Variants in PDE6A observed in about 807,000 individuals in gnomAD.
PDE6A encodes the protein rod cGMP-specific 3',5'-cyclic phosphodiesterase subunit alpha.
A neutral mutation model predicts 106.3 loss-of-function variants in PDE6A; 84 were observed. That is an observed-to-expected ratio of 0.79 (90% confidence interval 0.66 to 0.95). The LOEUF (loss-of-function observed/expected upper bound fraction) is 0.95. PDE6A is among the 40% of genes least tolerant of loss of function. The probability of loss-of-function intolerance (pLI) is 0.00; values close to 1 mark genes in which losing one functional copy is unlikely to be tolerated. For synonymous variants in PDE6A, 394 were observed against 386.6 expected (o/e 1.02, Z -0.23); for missense variants, 1,052 against 1,084.9 (o/e 0.97, Z 0.43).
At chr5:149,938,480 T>G (rs552300054) in intron 1 of PDE6A, among the ~76,000 whole-genome samples, 1 of 152,228 alleles carries the variant, frequency 6.6e-6, no homozygotes, top group African/African-American at 2.4e-5. Context: ...TAAACTATGG[T>G]AAGTATGCAC....
At chr5:149,898,663 A>G (rs938140994) in intron 9 of PDE6A, among the ~76,000 whole-genome samples, 157 bp from the exon 10 acceptor site, 5 of 152,200 alleles carry the variant, frequency 3.3e-5, no homozygotes, top group African/African-American at 1.2e-4. Flanking sequence ...TTATAAGGCT[A>G]AGATAAAGGA....
chr5:149,909,759 T>G (rs1457414919), intron 6 of PDE6A, among the ~76,000 whole-genome samples: 2 of 152,220 alleles, frequency 1.3e-5, no homozygotes, highest in African/African-American at 2.4e-5. Context: ...TACAGAGGCT[T>G]TAATATGTAA....
At chr5:149,860,992 G>T (rs746147499) in intron 21 of PDE6A, 21 bp from the exon 22 acceptor site, 2 of 1,611,002 alleles carry the variant, frequency 1.2e-6, no homozygotes, top group East Asian at 2.2e-5. Flanking sequence ...ACAGGAAAAA[G>T]AACACACCAG....
intron 13 of PDE6A, among the ~76,000 whole-genome samples, chr5:149,894,606 A>G (rs1752664333): frequency 6.6e-6 from 1 of 151,196 alleles, no homozygotes; most frequent in Admixed American, 6.6e-5. Flanking sequence ...AAAGACTATA[A>G]CCATGACCAA....
intron 14 of PDE6A, among the ~76,000 whole-genome samples, chr5:149,885,157 C>T (rs182143954): frequency 6.6e-5 from 10 of 152,310 alleles, no homozygotes; most frequent in Admixed American, 2.0e-4. Flanking sequence ...ACTGAATTTC[C>T]GCAAGCCGTG....
chr5:149,934,638 C>G lies in PDE6A; in HGVS notation c.555G>C (p.Gly185=). 6.2e-7 allele frequency: 1 copy of G among 1,614,118 alleles called. No homozygotes were observed. Among genetic ancestry groups the G allele is most frequent in the Non-Finnish European group, 8.5e-7 (1 of 1,179,940 alleles). Residue 185 remains glycine (G), a synonymous_variant, in exon 2 of 22, where the codon GGG becomes GGC. Coordinates refer to ENST00000255266, the MANE Select transcript of PDE6A (RefSeq NM_000440.3). Reference sequence around the variant, plus strand: ...CCATGATTATGGCCACCACATCCTTCCCATTCATTATGGGGGAAGCCAAGA... The same window carrying G: ...CCATGATTATGGCCACCACATCCTTGCCATTCATTATGGGGGAAGCCAAGA... ...KNILASPIMN[G]KDVVAIIMAV...
At chr5:149,876,337 C>T (rs545674412) in intron 17 of PDE6A, among the ~76,000 whole-genome samples, 64 of 148,680 alleles carry the variant, frequency 4.3e-4, no homozygotes, top group Non-Finnish European at 7.3e-4. Flanking sequence ...CTATTTTTTG[C>T]CCATTTTTCC....
At chr5:149,935,119 G>A (rs920855674) in intron 1 of PDE6A, among the ~76,000 whole-genome samples, 1 of 152,214 alleles carries the variant, frequency 6.6e-6, no homozygotes, top group African/African-American at 2.4e-5. Flanking sequence ...CAGGCAGCGT[G>A]CATGGCATTT....
rs765889124 is a variant in PDE6A at position 149,863,085 on chromosome 5, G to A, written c.2506+34C>T. 1.4e-5 allele frequency: 23 copies of A among 1,613,660 alleles called. No individual in the cohort carries two copies. In the South Asian group the frequency reaches 2.3e-4, roughly 16 times the overall value. On this transcript the variant is annotated intron_variant, in intron 21 of 21. Coordinates refer to ENST00000255266, the MANE Select transcript of PDE6A (RefSeq NM_000440.3). This position sits in a 1 kb window ranked among gnomAD's most constrained non-coding sequence, Gnocchi z 4.7. ...AGACACTGAGTGCTCAGGGAGTGGGGTGGTGGGAGTCCCTGCTTCCCCCTT... is the reference window on the plus strand; with the variant it reads ...AGACACTGAGTGCTCAGGGAGTGGGATGGTGGGAGTCCCTGCTTCCCCCTT...
At position 149,931,128 on chromosome 5, in the gene PDE6A, G is replaced by T. The variant is rs778857421; in HGVS notation, c.758C>A (p.Thr253Lys). The T allele has an allele frequency of 9.3e-6, 15 of 1,613,940 alleles. No homozygotes were observed. Among genetic ancestry groups the T allele is most frequent in the East Asian group, 2.2e-5 (1 of 44,888 alleles). The change falls in exon 4 of 22, where the codon ACG becomes AAG. Residue 253 changes from threonine (T) to lysine (K), a missense_variant. By Grantham distance (78) the Thr-to-Lys change is moderately conservative. Transcript: ENST00000255266. ...WSGSKVFEEL[T>K]DIERQFHKAL... The stretch of plus-strand genomic sequence containing the variant: ...TTTGTGGAACTGTCGTTCGATGTCC[G>T]TAAGTTCTTCAAAGACTTTGCTCCC...
At chr5:149,939,666 A>G (rs1320486263) in intron 1 of PDE6A, among the ~76,000 whole-genome samples, 1 of 152,222 alleles carries the variant, frequency 6.6e-6, no homozygotes, top group Non-Finnish European at 1.5e-5. Context: ...GGTAGCTCTT[A>G]TTTCCCCATT....
intron 4 of PDE6A, among the ~76,000 whole-genome samples, chr5:149,925,868 T>G (rs1008643693): frequency 2.0e-5 from 3 of 151,574 alleles, no homozygotes; most frequent in Middle Eastern, 3.4e-3. Flanking sequence ...AACTTAGAGG[T>G]CTTTTCATTA....
intron 6 of PDE6A, among the ~76,000 whole-genome samples, chr5:149,913,907 G>C (rs1345747766): frequency 6.6e-6 from 1 of 152,216 alleles, no homozygotes; most frequent in African/African-American, 2.4e-5. Flanking sequence ...CAGCTACCTA[G>C]ATGCAGGACT....
intron 7 of PDE6A, among the ~76,000 whole-genome samples, 193 bp downstream of exon 7, chr5:149,907,119 T>C (rs1400674733): frequency 6.6e-6 from 1 of 152,364 alleles, no homozygotes; most frequent in Non-Finnish European, 1.5e-5. Context: ...ATGTATTTGA[T>C]ATTTCCTCAA....
intron 17 of PDE6A, among the ~76,000 whole-genome samples, chr5:149,870,531 C>T (rs1342199714): frequency 1.3e-5 from 2 of 152,096 alleles, no homozygotes; most frequent in Non-Finnish European, 1.5e-5. Context: ...GGAAAACATT[C>T]CCAGTGGTTG....
At chr5:149,905,385 A>G (rs1753144400) in intron 7 of PDE6A, among the ~76,000 whole-genome samples, 1 of 152,092 alleles carries the variant, frequency 6.6e-6, no homozygotes, top group African/African-American at 2.4e-5. Flanking sequence ...CTCTCTCTCC[A>G]TGGCATCAGA....
In PDE6A at chr5:149,865,909, T is replaced by G. The variant is rs75287535; in HGVS notation, c.2358+261A>C. On this transcript the variant is annotated intron_variant, in intron 20 of 21. Transcript: ENST00000255266. ...GGACATATGTCTACTATGTTTCCCC[T>G]TCCTCTGTGAATCCATGCTTAGTCA... Among the ~76,000 whole-genome samples the G allele has an allele frequency of 3.6e-3, 549 of 152,372 alleles. 3 individuals are homozygous for G. Among genetic ancestry groups the G allele is most frequent in the African/African-American group, 0.013 (531 of 41,582 alleles).
intron 4 of PDE6A, among the ~76,000 whole-genome samples, chr5:149,925,170 A>T (rs1753834947): frequency 6.6e-6 from 1 of 152,184 alleles, no homozygotes; most frequent in Non-Finnish European, 1.5e-5. Context: ...TGTAACAGAC[A>T]ATTCACGGAA....
intron 21 of PDE6A, among the ~76,000 whole-genome samples, chr5:149,861,795 G>A (rs1760154987): frequency 6.6e-6 from 1 of 152,154 alleles, no homozygotes; most frequent in Admixed American, 6.5e-5. Context: ...AGAAAAAAAT[G>A]TAAGCCAAAT....
Sources: gnomAD v4.1 joint callset for allele counts (sites outside exome capture counted in the v4.1 genomes callset) on GRCh38, gnomAD v4.1.1 for gene constraint, Gnocchi (gnomAD v3.1) non-coding constraint, MANE v1.5 for transcripts, NCBI Gene and HGNC (gene_info 2026-07-23, HGNC 2026-07-21) for gene names.